Variants in RAB5C observed in about 807,000 individuals in gnomAD.
The protein encoded by RAB5C is ras-related protein Rab-5C.
In RAB5C, 4 loss-of-function variants were observed where a neutral mutation model predicts 25.2. The observed-to-expected ratio is 0.16, with a 90% CI of 0.08 to 0.36. RAB5C has a LOEUF of 0.36. RAB5C is among the 10% of genes least tolerant of loss of function. The pLI is 1.00. For missense variants in RAB5C, 199 were observed against 283.8 expected, an observed-to-expected ratio of 0.70 and a Z score of 2.15; for synonymous variants, 100 against 106.4, an observed-to-expected ratio of 0.94 and a Z score of 0.37.
chr17:42,141,925 C>G (rs1036314587), intron 1 of RAB5C, among the ~76,000 whole-genome samples: 5 of 152,158 alleles, frequency 3.3e-5, no homozygotes, highest in African/African-American at 1.2e-4. Context: ...AACATTCACA[C>G]ATTCCTCTTA....
At chr17:42,144,894 C>T (rs544268164) in intron 1 of RAB5C, among the ~76,000 whole-genome samples, 1 of 104,338 alleles carries the variant, frequency 9.6e-6, no homozygotes, top group African/African-American at 3.9e-5. Flanking sequence ...CCCACTGCAT[C>T]CAGCCTGGGC....
chr17:42,130,871 T>C (rs1304506533), intron 1 of RAB5C, among the ~76,000 whole-genome samples: 1 of 151,980 alleles, frequency 6.6e-6, no homozygotes, highest in East Asian at 1.9e-4. Context: ...ATCCCAAATA[T>C]GTACATTCAC....
chr17:42,151,226 G>C (rs528089015), intron 1 of RAB5C, among the ~76,000 whole-genome samples: 3 of 152,326 alleles, frequency 2.0e-5, no homozygotes, highest in African/African-American at 4.8e-5. Context: ...CACGAGGTCA[G>C]GAGATCGAGA....
At chr17:42,130,216 G>A in intron 2 of RAB5C, 121 bp downstream of exon 2, 1 of 1,374,466 alleles carries the variant, frequency 7.3e-7, no homozygotes, top group Non-Finnish European at 9.7e-7. Context: ...TGAGGAAGTG[G>A]GGCTGCCACC....
intron 1 of RAB5C, among the ~76,000 whole-genome samples, chr17:42,143,130 AC>A (rs1290854194): frequency 6.6e-6 from 1 of 152,212 alleles, no homozygotes; most frequent in Non-Finnish European, 1.5e-5. Context: ...AACTCCCAGG[AC>A]TGCAGTTGAT....
chr17:42,142,112 TCCA>T (rs1485047346), intron 1 of RAB5C, among the ~76,000 whole-genome samples: 1 of 147,032 alleles, frequency 6.8e-6, no homozygotes, highest in Admixed American at 6.9e-5. Context: ...ACCATTACCA[TCCA>T]ATAAATCTGC....
rs763537197 is a variant in RAB5C at position 42,149,010 on chromosome 17, C to T, written c.-89+5883G>A. 9.8e-5 allele frequency among the ~76,000 whole-genome samples: 15 copies of T among 152,296 alleles called. No individual in the cohort carries two copies. The South Asian group carries it at 2.9e-3, about 29-fold the overall frequency. On this transcript the variant is annotated intron_variant, in intron 1 of 5. Transcript: ENST00000346213. ...AGAAGTTTAGCTTTTATTTGTATTA[C>T]TGTTCTTATACATAGAGGATGGGGC...
intron 1 of RAB5C, among the ~76,000 whole-genome samples, chr17:42,134,269 T>A (rs755622296): frequency 1.3e-4 from 20 of 152,188 alleles, no homozygotes; most frequent in Non-Finnish European, 2.1e-4. Context: ...TGTGTCTTAC[T>A]GGCAATCTTT....
At chr17:42,146,450 TA>T (rs1490220818) in intron 1 of RAB5C, among the ~76,000 whole-genome samples, 4 of 152,078 alleles carry the variant, frequency 2.6e-5, no homozygotes, top group Admixed American at 6.6e-5. Flanking sequence ...ACCCCGTCTC[TA>T]CAAAAAAATC....
At chr17:42,152,778 C>G (rs1324770650) in intron 1 of RAB5C, among the ~76,000 whole-genome samples, 1 of 144,864 alleles carries the variant, frequency 6.9e-6, no homozygotes, top group Non-Finnish European at 1.5e-5. Flanking sequence ...GGCTCTGTCT[C>G]CAAAAAAAAA....
chr17:42,144,496 T>C (rs1452765018), intron 1 of RAB5C, among the ~76,000 whole-genome samples: 5 of 149,300 alleles, frequency 3.3e-5, no homozygotes, highest in Non-Finnish European at 7.4e-5. Flanking sequence ...TGGGGGAAAA[T>C]AGACAAGTCT....
At chr17:42,132,859 C>G (rs1192974172) in intron 1 of RAB5C, among the ~76,000 whole-genome samples, 1 of 152,108 alleles carries the variant, frequency 6.6e-6, no homozygotes, top group African/African-American at 2.4e-5. Flanking sequence ...GATAATTTAA[C>G]ATTCATATAT....
intron 1 of RAB5C, chr17:42,131,724 T>C: frequency 9.7e-7 from 1 of 1,028,990 alleles, no homozygotes; most frequent in East Asian, 2.6e-5. Flanking sequence ...AGTCCCGACA[T>C]CTGAATCACT....
intron 1 of RAB5C, among the ~76,000 whole-genome samples, chr17:42,147,050 C>A (rs924039864): frequency 6.6e-5 from 8 of 120,570 alleles, no homozygotes; most frequent in African/African-American, 9.5e-5. Flanking sequence ...GAAAGAAAGA[C>A]AGAAAAAGAA....
At chr17:42,150,605 C>T (rs2079664712) in intron 1 of RAB5C, among the ~76,000 whole-genome samples, 1 of 145,606 alleles carries the variant, frequency 6.9e-6, no homozygotes, top group African/African-American at 2.6e-5. Flanking sequence ...TGCTTGTAAT[C>T]CCAGCACTCT....
chr17:42,152,969 C>T (rs1163035918), intron 1 of RAB5C, among the ~76,000 whole-genome samples: 3 of 152,140 alleles, frequency 2.0e-5, no homozygotes, highest in African/African-American at 4.8e-5. Context: ...CCTCTCTGGC[C>T]CTGCCCCTCA....
At position 42,143,094 on chromosome 17, in the gene RAB5C, T is replaced by C. The variant is rs559730422; in HGVS notation, c.-89+11799A>G. On this transcript the variant is annotated intron_variant, in intron 1 of 5. Transcript: ENST00000346213. Reference sequence around the variant, plus strand: ...GGTAAGAGCAGTATGAATGGGTGAGTAGAACAACAGCCAGCTACTGGGATT... The same window carrying C: ...GGTAAGAGCAGTATGAATGGGTGAGCAGAACAACAGCCAGCTACTGGGATT... Among the ~76,000 whole-genome samples, 54 of 152,086 alleles carry C rather than the reference T, an allele frequency of 3.6e-4. 1 individual carries two copies. Among genetic ancestry groups the C allele is most frequent in the Non-Finnish European group, 5.9e-4 (40 of 68,014 alleles).
chr17:42,151,179 G>A (rs2079668455), intron 1 of RAB5C, among the ~76,000 whole-genome samples: 1 of 152,224 alleles, frequency 6.6e-6, no homozygotes, highest in Admixed American at 6.5e-5. Flanking sequence ...GCTCACGCCT[G>A]TAATCCCAGC....
intron 1 of RAB5C, among the ~76,000 whole-genome samples, chr17:42,134,965 C>CTTT (rs756723514): frequency 0.016 from 8 of 510 alleles, no homozygotes; most frequent in African/African-American, 0.063. Flanking sequence ...GTCTCAAATT[C>CTTT]TTTTTTTTTC....
Sources: allele counts gnomAD v4.1 joint callset (sites outside exome capture counted in the v4.1 genomes callset), GRCh38; gene constraint gnomAD v4.1.1; transcripts MANE v1.5; gene names NCBI Gene and HGNC (gene_info 2026-07-23, HGNC 2026-07-21).